POU2F1: variants seen among roughly 807,000 people sequenced by gnomAD.
The protein encoded by POU2F1 is POU class 2 homeobox 1.
A neutral mutation model predicts 84.9 loss-of-function variants in POU2F1; 16 were observed. The ratio of observed to expected loss-of-function variants is 0.19; its 90% CI spans 0.13 to 0.29. POU2F1 has a LOEUF of 0.29. Among genes scored for constraint, POU2F1 ranks in the 10% least tolerant of loss-of-function variants. The pLI, the probability that POU2F1 is intolerant of heterozygous loss-of-function variation, is 1.00. For missense variants in POU2F1, 738 were observed against 942.6 expected (o/e 0.78, Z 2.84); for synonymous variants, 368 against 368.3 (o/e 1.00, Z 0.01).
intron 1 of POU2F1, among the ~76,000 whole-genome samples, chr1:167,309,455 T>C (rs1468553379): frequency 6.6e-6 from 1 of 152,186 alleles, no homozygotes; most frequent in African/African-American, 2.4e-5. Context: ...AATTACTTAC[T>C]ACAGTTTCTC....
In POU2F1 at chr1:167,374,115, T is replaced by G; in HGVS notation, c.410T>G (p.Leu137Trp). 1.2e-6 allele frequency: 2 copies of G among 1,614,160 alleles called. No homozygotes were observed. The highest frequency in any genetic ancestry group is 1.7e-6 in the Non-Finnish European group (2 of 1,180,004). The stretch of plus-strand genomic sequence containing the variant: ...TGTTCTGGTTTTGTTTAGCTTACTT[T>G]GACGCCTGCCCAGCAACAGTTACTA... The part of the protein sequence containing the change: ...LAGGQITGLT[L>W]TPAQQQLLLQ... Residue 137 changes from leucine (L) to tryptophan (W), a missense_variant, in exon 6 of 16, where the codon TTG becomes TGG. This residue lies in a region of POU2F1 where 163 missense variants were observed against 214.4 expected (regional missense o/e 0.76). Coordinates refer to ENST00000367866, the MANE Select transcript of POU2F1 (RefSeq NM_002697.4).
intron 9 of POU2F1, among the ~76,000 whole-genome samples, chr1:167,393,685 A>G (rs140351300): frequency 1.2e-3 from 190 of 152,180 alleles, no homozygotes; most frequent in Non-Finnish European, 2.2e-3. Flanking sequence ...TTTGGTAGAG[A>G]TGGGGCCTTC....
At chr1:167,367,324 T>C (rs1490538070) in intron 3 of POU2F1, among the ~76,000 whole-genome samples, 6 of 152,192 alleles carry the variant, frequency 3.9e-5, no homozygotes, top group African/African-American at 1.2e-4. Flanking sequence ...ATAAGTTCCA[T>C]GAAAATGGAA....
chr1:167,413,155 G>A (rs1194477937), intron 15 of POU2F1, 41 bp downstream of exon 15: 3 of 1,400,424 alleles, frequency 2.1e-6, no homozygotes, highest in Non-Finnish European at 2.0e-6. Context: ...GCATGCACGT[G>A]TGTGTGAGTG....
At chr1:167,306,411 G>A (rs895714448) in intron 1 of POU2F1, among the ~76,000 whole-genome samples, 3 of 152,000 alleles carry the variant, frequency 2.0e-5, no homozygotes, top group Non-Finnish European at 4.4e-5. Context: ...ATTTTTTCTT[G>A]TACTAGGAGA....
chr1:167,298,277 T>C lies in POU2F1; in HGVS notation c.62-34193T>C, dbSNP rs181562966. ...CCAGGATTTTTTTCTTTTGCATTTC[T>C]TTTTCCAAGACTAGAGTAAATGCTG... On this transcript the variant is annotated intron_variant, in intron 1 of 15. Coordinates refer to ENST00000367866, the MANE Select transcript of POU2F1 (RefSeq NM_002697.4). Among the ~76,000 whole-genome samples, 367 of 152,276 alleles carry C rather than the reference T, an allele frequency of 2.4e-3. 1 individual carries two copies. The highest frequency in any genetic ancestry group is 2.9e-3 in the Non-Finnish European group (195 of 68,014).
chr1:167,371,068 G>A lies in POU2F1; in HGVS notation c.283-849G>A, dbSNP rs187976158. ...ATTTCATGAAACCCAGTTGAATATG[G>A]ACCTAGTAACACGTAGGAACAAGGA... is the stretch of plus-strand genomic sequence containing the variant. On this transcript the variant is annotated intron_variant, in intron 4 of 15. Coordinates refer to ENST00000367866, the MANE Select transcript of POU2F1 (RefSeq NM_002697.4). Among the ~76,000 whole-genome samples, 8 of 152,268 alleles carry A rather than the reference G, an allele frequency of 5.3e-5. No individual in the cohort carries two copies. The East Asian group carries it at 1.5e-3, about 29-fold the overall frequency.
intron 1 of POU2F1, among the ~76,000 whole-genome samples, chr1:167,255,861 T>G (rs1044820161): frequency 1.3e-5 from 2 of 152,110 alleles, no homozygotes; most frequent in African/African-American, 4.8e-5. Context: ...ATGATTAGGT[T>G]TTAAAAGAAG....
At chr1:167,347,910 C>T (rs1056383220) in intron 2 of POU2F1, among the ~76,000 whole-genome samples, 1 of 151,978 alleles carries the variant, frequency 6.6e-6, no homozygotes, top group Middle Eastern at 3.2e-3. Context: ...ATGGATATAC[C>T]ACAATTTGTT....
intron 1 of POU2F1, among the ~76,000 whole-genome samples, chr1:167,248,108 A>C (rs563811544): frequency 6.6e-6 from 1 of 152,188 alleles, no homozygotes; most frequent in African/African-American, 2.4e-5. Context: ...TGTGTGAGTA[A>C]TGTTCTGAAT....
chr1:167,402,737 A>G (rs116220614), intron 13 of POU2F1, among the ~76,000 whole-genome samples: 3,333 of 152,350 alleles, frequency 0.022, 49 homozygotes, highest in Non-Finnish European at 0.035. Flanking sequence ...AAGAATATAT[A>G]TAATATTGAG....
At chr1:167,365,918 G>A (rs1659659686) in intron 3 of POU2F1, among the ~76,000 whole-genome samples, 1 of 152,194 alleles carries the variant, frequency 6.6e-6, no homozygotes, top group Non-Finnish European at 1.5e-5. Context: ...GAGACCTGCT[G>A]TGTAAGGCTC....
intron 3 of POU2F1, among the ~76,000 whole-genome samples, chr1:167,368,123 A>G (rs1378451497): frequency 2.0e-5 from 3 of 152,168 alleles, no homozygotes; most frequent in Admixed American, 6.6e-5. Context: ...AATCCAGTCC[A>G]TACTTTGCGT....
chr1:167,290,047 C>T (rs1358094713), intron 1 of POU2F1, among the ~76,000 whole-genome samples: 1 of 151,934 alleles, frequency 6.6e-6, no homozygotes, highest in Admixed American at 6.6e-5. Flanking sequence ...AAACTTATTC[C>T]ACAAATACGT....
At chr1:167,230,936 G>T (rs547556548) in intron 1 of POU2F1, among the ~76,000 whole-genome samples, 1 of 152,286 alleles carries the variant, frequency 6.6e-6, no homozygotes, top group South Asian at 2.1e-4. Flanking sequence ...TACAGTAGAG[G>T]TCTGAAAATC....
chr1:167,250,805 A>G (rs1650671248), intron 1 of POU2F1, among the ~76,000 whole-genome samples: 1 of 152,232 alleles, frequency 6.6e-6, no homozygotes, highest in African/African-American at 2.4e-5. Context: ...GTTTTTAAAA[A>G]TGGATTTTAA....
intron 2 of POU2F1, among the ~76,000 whole-genome samples, chr1:167,344,653 C>T (rs1409052120): frequency 6.6e-6 from 1 of 152,034 alleles, no homozygotes; most frequent in Non-Finnish European, 1.5e-5. Context: ...AATAATAATC[C>T]ATCTCATAGT....
At chr1:167,352,383 C>G (rs191080035) in intron 2 of POU2F1, among the ~76,000 whole-genome samples, 1 of 152,296 alleles carries the variant, frequency 6.6e-6, no homozygotes, top group East Asian at 1.9e-4. Context: ...AATTCTACTA[C>G]TTTGTCATCT....
chr1:167,252,598 C>T lies in POU2F1; in HGVS notation c.61+31640C>T, dbSNP rs1650812796. ...TTGTTGGTAATTTGAGAACACAAAC[C>T]AATTAATATCTATATTCTGAATAAT... On this transcript the variant is annotated intron_variant, in intron 1 of 15. Transcript: ENST00000367866. Among the ~76,000 whole-genome samples the T allele has an allele frequency of 2.6e-5, 4 of 152,116 alleles. 1 individual carries two copies. In the South Asian group the frequency reaches 8.3e-4, roughly 31 times the overall value.
Sources: gnomAD v4.1 joint callset for allele counts (sites outside exome capture counted in the v4.1 genomes callset) on GRCh38, gnomAD v4.1.1 for gene constraint, gnomAD v4.1.1 regional missense constraint, MANE v1.5 for transcripts, NCBI Gene and HGNC (gene_info 2026-07-23, HGNC 2026-07-21) for gene names.